Variants in PYGO1 observed in about 807,000 individuals in gnomAD.
PYGO1 encodes the protein pygopus family PHD finger 1.
Under a neutral mutation model 29.5 loss-of-function variants are expected in PYGO1, and 6 were observed. The ratio of observed to expected loss-of-function variants is 0.20; its 90% CI spans 0.11 to 0.40. The LOEUF (loss-of-function observed/expected upper bound fraction) is 0.40, where lower values mean the gene tolerates loss of function less well. Among genes scored for constraint, PYGO1 ranks in the 10% least tolerant of loss-of-function variants. The pLI, the probability that PYGO1 is intolerant of heterozygous loss-of-function variation, is 1.00. For synonymous variants in PYGO1, 186 were observed against 180.5 expected (o/e 1.03, Z -0.24); for missense variants, 515 against 514.9 (o/e 1.00, Z 0.00).
intron 1 of PYGO1, among the ~76,000 whole-genome samples, chr15:55,585,284 A>T (rs2059041859): frequency 6.6e-6 from 1 of 152,220 alleles, no homozygotes; most frequent in Non-Finnish European, 1.5e-5. Context: ...TAAAATAAAT[A>T]CACAACCATT....
chr15:55,568,682 C>T (rs1450795265), intron 1 of PYGO1, among the ~76,000 whole-genome samples: 1 of 152,044 alleles, frequency 6.6e-6, no homozygotes, highest in African/African-American at 2.4e-5. Flanking sequence ...TCTCAGGGTA[C>T]TGCATCCAGT....
chr15:55,576,178 C>T (rs549017576), intron 1 of PYGO1, among the ~76,000 whole-genome samples: 17 of 152,122 alleles, frequency 1.1e-4, no homozygotes, highest in Admixed American at 2.6e-4. Flanking sequence ...AAAGAGAGGC[C>T]GGGCGCGGTG....
In PYGO1 at chr15:55,558,774, C is replaced by T. The variant is rs372431035; in HGVS notation, c.50-9779G>A. Among the ~76,000 whole-genome samples, 11 of 151,822 alleles carry T rather than the reference C, an allele frequency of 7.2e-5. 1 individual carries two copies. The highest frequency in any genetic ancestry group is 2.1e-4 in the South Asian group (1 of 4,802). On this transcript the variant is annotated intron_variant, in intron 1 of 2. Coordinates refer to ENST00000563719, the MANE Select transcript of PYGO1 (RefSeq NM_001367806.1). ...AATAAATGGTGCTGGGAAAACTGGCCAGCCATATGTAGAAAGCTGAAACTG... is the reference window on the plus strand; with the variant it reads ...AATAAATGGTGCTGGGAAAACTGGCTAGCCATATGTAGAAAGCTGAAACTG...
chr15:55,563,470 G>C (rs1415958029), intron 1 of PYGO1, among the ~76,000 whole-genome samples: 2 of 150,576 alleles, frequency 1.3e-5, no homozygotes, highest in African/African-American at 4.9e-5. Context: ...GGGTTCACGT[G>C]ATTCTCCTGC....
Position 55,546,759 on chromosome 15 carries a change from T to A in PYGO1, c.524A>T (p.His175Leu). 6.2e-7 allele frequency: 1 copy of A among 1,614,146 alleles called. No homozygotes were observed. The highest frequency in any genetic ancestry group is 8.5e-7 in the Non-Finnish European group (1 of 1,180,004). ...LSQNVNMPNQ[H>L]FRQNPAENFS... ...ATTTTCAGCAGGATTTTGTCTAAAA[T>A]GTTGATTAGGCATGTTGACATTCTG... The change falls in exon 3 of 3, where the codon CAT becomes CTT. Residue 175 changes from histidine to leucine, a missense_variant. Coordinates refer to ENST00000563719, the MANE Select transcript of PYGO1 (RefSeq NM_001367806.1).
upstream of PYGO1, among the ~76,000 whole-genome samples, chr15:55,588,385 G>A (rs963077974): frequency 1.0e-4 from 15 of 149,126 alleles, no homozygotes; most frequent in African/African-American, 3.6e-4. Context: ...AACCCGCTCT[G>A]GGGCGGGCGA....
At chr15:55,571,858 T>C (rs552482661) in intron 1 of PYGO1, among the ~76,000 whole-genome samples, 7 of 152,308 alleles carry the variant, frequency 4.6e-5, no homozygotes, top group Admixed American at 4.6e-4. Context: ...TTATGTCATA[T>C]CTTTACTCCA....
At position 55,548,918 on chromosome 15, in the gene PYGO1, T is replaced by C; in HGVS notation, c.127A>G (p.Asn43Asp). ...AGAAAATGTCAGTTTACCTGTGTAT[T>C]TGCCTTGCGCTTTTTCTTATCTGGG... ...GSPDKKKRKANTQGPSFPPLS... is the reference protein window; with the variant it reads ...GSPDKKKRKADTQGPSFPPLS... Residue 43 changes from asparagine to aspartate, a missense_variant, in exon 2 of 3, where the codon AAT becomes GAT. Asn to Asp is a conservative substitution (Grantham distance 23). Transcript: ENST00000563719. 6.2e-7 allele frequency: 1 copy of C among 1,612,382 alleles called. No homozygotes were observed. Among genetic ancestry groups the C allele is most frequent in the Non-Finnish European group, 8.5e-7 (1 of 1,179,262 alleles).
At chr15:55,585,506 T>C (rs62021880) in intron 1 of PYGO1, among the ~76,000 whole-genome samples, 8,281 of 152,288 alleles carry the variant, frequency 0.054, 280 homozygotes, top group Middle Eastern at 0.071. Context: ...TAATGAATGT[T>C]CTAATTATTA....
In PYGO1 at chr15:55,542,470, C is replaced by T. The variant is rs1379934675; in HGVS notation, c.*3553G>A. On this transcript the variant is annotated 3_prime_UTR_variant, in exon 3 of 3. Transcript: ENST00000563719. ...AAGTATTTCACACAAAAGGAAAACA[C>T]TGATCACAAATCTAATTCTAAGCAC... The T allele has an allele frequency of 1.3e-5, 2 of 152,210 alleles. No individual in the cohort carries two copies. Among genetic ancestry groups the T allele is most frequent in the Non-Finnish European group, 2.9e-5 (2 of 68,036 alleles). The allele number at this position is 152,210 out of a possible 1,614,324, so 9.4% of individuals were successfully genotyped here.
chr15:55,573,004 TC>T (rs1467358721), intron 1 of PYGO1, among the ~76,000 whole-genome samples: 2 of 86,892 alleles, frequency 2.3e-5, no homozygotes, highest in Non-Finnish European at 5.7e-5. Context: ...TGAGACTCTG[TC>T]TTTAAAAAAA....
intron 1 of PYGO1, among the ~76,000 whole-genome samples, chr15:55,583,079 A>G (rs1340282486): frequency 6.6e-6 from 1 of 152,104 alleles, no homozygotes; most frequent in Non-Finnish European, 1.5e-5. Flanking sequence ...CTTCATCTCT[A>G]AATTTCTTTC....
chr15:55,586,140 C>CTGTG (rs2059045230), intron 1 of PYGO1, among the ~76,000 whole-genome samples: 1 of 152,278 alleles, frequency 6.6e-6, no homozygotes, highest in South Asian at 2.1e-4. Context: ...AAATGAATGA[C>CTGTG]TGTGGTCCTT....
chr15:55,585,918 C>G (rs2059044406), intron 1 of PYGO1, among the ~76,000 whole-genome samples: 1 of 152,158 alleles, frequency 6.6e-6, no homozygotes, highest in South Asian at 2.1e-4. Context: ...CTCACAACCA[C>G]AAACAGAAAA....
At chr15:55,573,616 T>A (rs981587538) in intron 1 of PYGO1, among the ~76,000 whole-genome samples, 31 of 152,188 alleles carry the variant, frequency 2.0e-4, no homozygotes, top group Non-Finnish European at 3.7e-4. Context: ...TGCATATAGT[T>A]GATCCTTGAA....
At chr15:55,568,173 C>T (rs978427999) in intron 1 of PYGO1, among the ~76,000 whole-genome samples, 5 of 152,080 alleles carry the variant, frequency 3.3e-5, no homozygotes, top group Admixed American at 1.3e-4. Context: ...AGCAGTGTGG[C>T]TATTTTAATG....
chr15:55,571,963 A>G (rs1199817913), intron 1 of PYGO1, among the ~76,000 whole-genome samples: 1 of 152,108 alleles, frequency 6.6e-6, no homozygotes, highest in Admixed American at 6.6e-5. Flanking sequence ...CATTTATTAG[A>G]AGTCTTCCTC....
chr15:55,546,065 A>G lies in PYGO1; in HGVS notation c.1218T>C (p.Thr406=). 6.2e-7 allele frequency: 1 copy of G among 1,614,044 alleles called. No individual in the cohort carries two copies. The highest frequency in any genetic ancestry group is 1.3e-5 in the African/African-American group (1 of 75,052). The change falls in exon 3 of 3, where the codon ACT becomes ACC. Residue 406 remains threonine (T), a synonymous_variant. Coordinates refer to ENST00000563719, the MANE Select transcript of PYGO1 (RefSeq NM_001367806.1). ...MADKDVQLMR[T]RETFGPSAVG... ...CTGCAGATGGACCAAAAGTTTCTCT[A>G]GTACGCATTAACTGGACATCTTTGT...
chr15:55,552,361 C>CAA (rs56789656), intron 1 of PYGO1, among the ~76,000 whole-genome samples: 29 of 52,886 alleles, frequency 5.5e-4, no homozygotes, highest in Middle Eastern at 0.013. Flanking sequence ...ACTCTGTCTC[C>CAA]AAAAAAAAAA....
Sources: allele counts gnomAD v4.1 joint callset (sites outside exome capture counted in the v4.1 genomes callset), GRCh38; gene constraint gnomAD v4.1.1; transcripts MANE v1.5; gene names NCBI Gene and HGNC (gene_info 2026-07-23, HGNC 2026-07-21).